The following RBMS3 variants were observed in gnomAD, a reference collection of about 807,000 sequenced individuals.
RBMS3 encodes the protein RNA-binding motif, single-stranded-interacting protein 3.
RBMS3 carries 27 observed loss-of-function variants against 66.8 expected under a neutral mutation model. The observed-to-expected ratio is 0.40, with a 90% CI of 0.30 to 0.56. RBMS3 has a LOEUF of 0.56. Ranked by LOEUF, RBMS3 falls within the 20% of genes least tolerant of loss-of-function variation. RBMS3 has a pLI of 0.40. For missense variants in RBMS3, 513 were observed against 549.5 expected, an observed-to-expected ratio of 0.93 and a Z score of 0.66; for synonymous variants, 188 against 183.0, an observed-to-expected ratio of 1.03 and a Z score of -0.22.
intron 1 of RBMS3, among the ~76,000 whole-genome samples, chr3:29,370,579 G>T (rs1219418934): frequency 6.6e-6 from 1 of 152,128 alleles, no homozygotes; most frequent in East Asian, 1.9e-4. Flanking sequence ...GAGACTCTTA[G>T]ATTCCAAGTG....
At chr3:29,944,328 C>T in intron 12 of RBMS3, 74 bp downstream of exon 12, 1 of 1,321,708 alleles carries the variant, frequency 7.6e-7, no homozygotes, top group Non-Finnish European at 1.1e-6. Context: ...TTCCCAAACT[C>T]TTTAAAGCAG....
At chr3:29,425,477 C>CAA (rs397875330) in intron 1 of RBMS3, among the ~76,000 whole-genome samples, 46 of 144,380 alleles carry the variant, frequency 3.2e-4, no homozygotes, top group East Asian at 4.0e-4. Flanking sequence ...ACTAAAAATA[C>CAA]AAAAAAAAAA....
chr3:29,956,730 C>T (rs530059675), intron 12 of RBMS3, among the ~76,000 whole-genome samples: 2 of 152,088 alleles, frequency 1.3e-5, no homozygotes, highest in Admixed American at 6.6e-5. Context: ...TCTAACTGGT[C>T]GGACTGATTC....
chr3:29,537,422 G>A (rs2045602009), intron 3 of RBMS3, among the ~76,000 whole-genome samples: 1 of 152,192 alleles, frequency 6.6e-6, no homozygotes, highest in Non-Finnish European at 1.5e-5. Flanking sequence ...TGAATGCCAT[G>A]AACTCTTAAG....
At chr3:29,388,811 G>T (rs987199752) in intron 1 of RBMS3, among the ~76,000 whole-genome samples, 1 of 152,110 alleles carries the variant, frequency 6.6e-6, no homozygotes, top group Non-Finnish European at 1.5e-5. Context: ...TGATCCGCCC[G>T]CCTTGGCCTC....
At chr3:29,286,952 T>C (rs1286246350) in intron 1 of RBMS3, among the ~76,000 whole-genome samples, 1 of 152,112 alleles carries the variant, frequency 6.6e-6, no homozygotes. Context: ...TTTGTAACAG[T>C]CTCATAAGCC....
intron 11 of RBMS3, among the ~76,000 whole-genome samples, chr3:29,943,247 C>T (rs758174372): frequency 2.0e-5 from 3 of 151,926 alleles, no homozygotes; most frequent in African/African-American, 4.8e-5. Context: ...AAGAGTCACA[C>T]AAGAGGACCT....
At chr3:29,794,135 C>T (rs2057100552) in intron 6 of RBMS3, among the ~76,000 whole-genome samples, 1 of 152,168 alleles carries the variant, frequency 6.6e-6, no homozygotes, top group Admixed American at 6.5e-5. Context: ...CCAATTAAAC[C>T]TCTTTTCTTA....
chr3:29,911,156 G>C (rs1330918794), intron 10 of RBMS3, among the ~76,000 whole-genome samples: 1 of 152,016 alleles, frequency 6.6e-6, no homozygotes, highest in East Asian at 1.9e-4. Context: ...TCCTGAACTT[G>C]GTTTTGAAAA....
At chr3:29,989,176 T>C (rs186827422) in intron 13 of RBMS3, among the ~76,000 whole-genome samples, 1 of 152,330 alleles carries the variant, frequency 6.6e-6, no homozygotes, top group East Asian at 1.9e-4. Flanking sequence ...TGAATGATGA[T>C]GTCAGCTTGT....
chr3:29,917,170 G>T (rs758522927), intron 10 of RBMS3, among the ~76,000 whole-genome samples: 11 of 152,060 alleles, frequency 7.2e-5, no homozygotes, highest in Non-Finnish European at 1.5e-4. Flanking sequence ...TTCATGGAAT[G>T]TATCTTCCAG....
chr3:29,282,043 C>G (rs2031845240), intron 1 of RBMS3, among the ~76,000 whole-genome samples: 1 of 152,164 alleles, frequency 6.6e-6, no homozygotes, highest in South Asian at 2.1e-4. Context: ...TCAGGAACGT[C>G]TTTTGCAGAT....
At position 29,382,926 on chromosome 3, in the gene RBMS3, C is replaced by T. The variant is rs535700224; in HGVS notation, c.76-51817C>T. ...AACAAGCCACACATACTCATAGGCT[C>T]ATCTGTATGTACATATTATGAATGA... On this transcript the variant is annotated intron_variant, in intron 1 of 14. Coordinates refer to ENST00000383767, the MANE Select transcript of RBMS3 (RefSeq NM_001003793.3). Among the ~76,000 whole-genome samples the T allele has an allele frequency of 9.2e-5, 14 of 152,248 alleles. No individual in the cohort carries two copies. In the South Asian group the frequency reaches 1.9e-3, roughly 20 times the overall value.
intron 12 of RBMS3, among the ~76,000 whole-genome samples, chr3:29,970,475 C>T (rs982193147): frequency 2.0e-5 from 3 of 152,062 alleles, no homozygotes; most frequent in African/African-American, 7.2e-5. Flanking sequence ...TTCTTACACG[C>T]CTCTCTTAAT....
intron 2 of RBMS3, among the ~76,000 whole-genome samples, chr3:29,453,826 T>C (rs913185387): frequency 2.6e-5 from 4 of 152,330 alleles, no homozygotes; most frequent in Non-Finnish European, 4.4e-5. Flanking sequence ...AGTGACAGCC[T>C]GCTGGCATCT....
At chr3:29,767,717 G>A (rs1559650259) in intron 6 of RBMS3, among the ~76,000 whole-genome samples, 1 of 151,872 alleles carries the variant, frequency 6.6e-6, no homozygotes, top group Admixed American at 6.6e-5. Flanking sequence ...GAACACAAAT[G>A]TTTGTATAAA....
At chr3:29,367,205 T>A (rs185390643) in intron 1 of RBMS3, among the ~76,000 whole-genome samples, 1 of 152,258 alleles carries the variant, frequency 6.6e-6, no homozygotes, top group East Asian at 1.9e-4. Flanking sequence ...AAAATTAACA[T>A]TCATTTCATC....
intron 3 of RBMS3, among the ~76,000 whole-genome samples, chr3:29,556,082 A>AT (rs1309743428): frequency 6.6e-6 from 1 of 152,176 alleles, no homozygotes; most frequent in African/African-American, 2.4e-5. Context: ...TATGCATTGT[A>AT]TTATTCTGCC....
chr3:29,300,786 A>G (rs2033620735), intron 1 of RBMS3, among the ~76,000 whole-genome samples: 1 of 151,998 alleles, frequency 6.6e-6, no homozygotes, highest in Non-Finnish European at 1.5e-5. Flanking sequence ...CAAGCAAAGA[A>G]GTAAGGATTT....
Sources: gnomAD v4.1 joint callset for allele counts (sites outside exome capture counted in the v4.1 genomes callset) on GRCh38, gnomAD v4.1.1 for gene constraint, MANE v1.5 for transcripts, NCBI Gene and HGNC (gene_info 2026-07-23, HGNC 2026-07-21) for gene names.